NTN3: variants seen among roughly 807,000 people sequenced by gnomAD.
The protein encoded by NTN3 is netrin-3.
Under a neutral mutation model 37.2 loss-of-function variants are expected in NTN3, and 44 were observed. The ratio of observed to expected loss-of-function variants is 1.18; its 90% CI spans 0.93 to 1.52. The LOEUF (loss-of-function observed/expected upper bound fraction) is 1.52. Ranked by LOEUF, NTN3 falls within the 40% of genes most tolerant of loss-of-function variation. The probability of loss-of-function intolerance (pLI) is 0.00; values close to 1 mark genes in which losing one functional copy is unlikely to be tolerated. For synonymous variants in NTN3, 385 were observed against 376.0 expected (o/e 1.02, Z -0.28); for missense variants, 882 against 857.3 (o/e 1.03, Z -0.36).
At position 2,471,580 on chromosome 16, in the gene NTN3, C is replaced by A. The variant is rs955139089; in HGVS notation, c.-122C>A. On this transcript the variant is annotated 5_prime_UTR_variant, in exon 1 of 6. Transcript: ENST00000293973. ...TCCCACCTCTGGGCCGGGCTGGGGC[C>A]GCCCGGGGGCCCTGTTCCTCGGCAT... 21 of 712,518 alleles carry A rather than the reference C, an allele frequency of 2.9e-5. No individual in the cohort carries two copies. Among genetic ancestry groups the A allele is most frequent in the Non-Finnish European group, 8.0e-6 (4 of 499,606 alleles). 44.1% of individuals were successfully genotyped at this position (712,518 alleles called of 1,614,324 possible).
Position 2,471,812 on chromosome 16 carries a change from C to G in NTN3, c.111C>G (p.Pro37=). 1 of 1,392,852 alleles carries G rather than the reference C, an allele frequency of 7.2e-7. No homozygotes were observed. Among genetic ancestry groups the G allele is most frequent in the Non-Finnish European group, 9.2e-7 (1 of 1,082,488 alleles). The allele number at this position is 1,392,852 out of a possible 1,614,324, so 86.3% of individuals were successfully genotyped here. ...CCTGCCACGATGAGGGGGGTGCGCC[C>G]CGCGGCTGCGTGCCAGGACTGGTGA... is the stretch of plus-strand genomic sequence containing the variant. ...ADPCHDEGGA[P]RGCVPGLVNA... The change falls in exon 1 of 6, where the codon CCC becomes CCG. Residue 37 remains proline, a synonymous_variant. Transcript: ENST00000293973.
In NTN3 at chr16:2,471,961, C is replaced by T. The variant is rs375401789; in HGVS notation, c.260C>T (p.Thr87Met). ...SPALLTSPGG[T>M]ASPLCWRSES... ...GCCCTCCTTACTTCCCCAGGGGGCACGGCCAGCCCTCTGTGCTGGCGCTCG... is the reference window on the plus strand; with the variant it reads ...GCCCTCCTTACTTCCCCAGGGGGCATGGCCAGCCCTCTGTGCTGGCGCTCG... Residue 87 changes from threonine to methionine, a missense_variant, in exon 1 of 6, where the codon ACG becomes ATG. By Grantham distance (81) the Thr-to-Met change is moderately conservative (BLOSUM62 -1). Coordinates refer to ENST00000293973, the MANE Select transcript of NTN3 (RefSeq NM_006181.3). 2.3e-5 allele frequency: 36 copies of T among 1,574,394 alleles called. No homozygotes were observed. Among genetic ancestry groups the T allele is most frequent in the East Asian group, 1.6e-4 (7 of 44,322 alleles).
chr16:2,473,633 C>G, intron 5 of NTN3, 123 bp from the exon 6 acceptor site: 1 of 1,242,796 alleles, frequency 8.0e-7, no homozygotes. Flanking sequence ...TCCCTCAGGT[C>G]CTCCACGGGC....
At position 2,473,841 on chromosome 16, in the gene NTN3, C is replaced by A; in HGVS notation, c.1479C>A (p.Ser493Arg). 7.5e-7 allele frequency: 1 copy of A among 1,334,150 alleles called. No homozygotes were observed. The highest frequency in any genetic ancestry group is 9.5e-7 in the Non-Finnish European group (1 of 1,050,222). 82.6% of individuals were successfully genotyped at this position (1,334,150 alleles called of 1,614,324 possible). ...FPVAVLAVFR[S>R]GEERARRGSS... ...TGGCGGTGCTCGCCGTGTTCCGGAG[C>A]GGAGAGGAGCGCGCGCGGCGCGGGA... The change falls in exon 6 of 6, where the codon AGC (serine) becomes AGA (arginine). Residue 493 changes from serine to arginine, a missense_variant. Physicochemically the swap from Ser to Arg is moderately radical, Grantham distance 110. Transcript: ENST00000293973.
Position 2,472,973 on chromosome 16 carries a change from C to G in NTN3, c.1118-12C>G, listed in dbSNP as rs2065531420. On this transcript the variant is annotated splice_polypyrimidine_tract_variant and intron_variant, in intron 2 of 5. Transcript: ENST00000293973. ...AGGCTTCTGACCAGGCCCTTCCCAC[C>G]TCTGTCCTCAGCCTGCGACTGTCAC... The G allele has an allele frequency of 6.3e-7, 1 of 1,594,090 alleles. No homozygotes were observed. The highest frequency in any genetic ancestry group is 1.1e-5 in the South Asian group (1 of 89,542).
Position 2,471,972 on chromosome 16 carries a change from C to T in NTN3, c.271C>T (p.Leu91=). 3.8e-6 allele frequency: 6 copies of T among 1,594,276 alleles called. No homozygotes were observed. Among genetic ancestry groups the T allele is most frequent in the Non-Finnish European group, 5.1e-6 (6 of 1,176,136 alleles). The part of the protein sequence containing the change: ...LTSPGGTASP[L]CWRSESLPRA... Reference sequence around the variant, plus strand: ...TTCCCCAGGGGGCACGGCCAGCCCTCTGTGCTGGCGCTCGGAGTCCCTGCC... The same window carrying T: ...TTCCCCAGGGGGCACGGCCAGCCCTTTGTGCTGGCGCTCGGAGTCCCTGCC... The change falls in exon 1 of 6, where the codon CTG becomes TTG. Residue 91 remains leucine, a synonymous_variant. Coordinates refer to ENST00000293973, the MANE Select transcript of NTN3 (RefSeq NM_006181.3).
Position 2,471,717 on chromosome 16 carries a change from T to TG in NTN3, c.21dup (p.Leu8AlafsTer26). The TG allele has an allele frequency of 7.3e-7, 1 of 1,366,550 alleles. No homozygotes were observed. Among genetic ancestry groups the TG allele is most frequent in the Non-Finnish European group, 9.4e-7 (1 of 1,066,856 alleles). The allele number at this position is 1,366,550 out of a possible 1,614,324, so 84.7% of individuals were successfully genotyped here. A position where few individuals can be genotyped will look rare whatever the true frequency, so the allele number is the denominator to read the frequency against. On this transcript the variant is annotated frameshift_variant, in exon 1 of 6. Coordinates refer to ENST00000293973, the MANE Select transcript of NTN3 (RefSeq NM_006181.3). LOFTEE classifies it high-confidence loss of function. The stretch of plus-strand genomic sequence containing the variant: ...GGCTCCGGCCATGCCTGGCTGGCCC[T>TG]GGGGGCTGCTGCTGACGGCAGGCAC...
rs1187872015 is a variant in NTN3, at chr16:2,471,694, C to T, written c.-8C>T. The T allele has an allele frequency of 7.5e-7, 1 of 1,326,676 alleles. No homozygotes were observed. The highest frequency in any genetic ancestry group is 9.6e-7 in the Non-Finnish European group (1 of 1,043,600). 82.2% of individuals were successfully genotyped at this position (1,326,676 alleles called of 1,614,324 possible). A position where few individuals can be genotyped will look rare whatever the true frequency, so the allele number is the denominator to read the frequency against. On this transcript the variant is annotated 5_prime_UTR_variant, in exon 1 of 6. Coordinates refer to ENST00000293973, the MANE Select transcript of NTN3 (RefSeq NM_006181.3). ...CCGGCCACTGGCTGACCCGCAGCGG[C>T]TCCGGCCATGCCTGGCTGGCCCTGG...
Position 2,471,519 on chromosome 16 carries a change from G to A in NTN3, c.-183G>A. The stretch of plus-strand genomic sequence containing the variant: ...AGCGGGAGGACGCGCCAACATCCCC[G>A]CTGCTGTGCTGGGCCCGGGGCGTGC... On this transcript the variant is annotated 5_prime_UTR_variant, in exon 1 of 6. Transcript: ENST00000293973. 1 of 403,710 alleles carries A rather than the reference G, an allele frequency of 2.5e-6. No individual in the cohort carries two copies. Among genetic ancestry groups the A allele is most frequent in the Non-Finnish European group, 4.3e-6 (1 of 232,182 alleles). 25.0% of individuals were successfully genotyped at this position (403,710 alleles called of 1,614,324 possible).
In NTN3 at chr16:2,471,698, G is replaced by A. The variant is rs891954945; in HGVS notation, c.-4G>A. 1.5e-6 allele frequency: 2 copies of A among 1,335,112 alleles called. No homozygotes were observed. The highest frequency in any genetic ancestry group is 1.9e-6 in the Non-Finnish European group (2 of 1,048,918). The allele number at this position is 1,335,112 out of a possible 1,614,324, so 82.7% of individuals were successfully genotyped here. Reference sequence around the variant, plus strand: ...CCACTGGCTGACCCGCAGCGGCTCCGGCCATGCCTGGCTGGCCCTGGGGGC... The same window carrying A: ...CCACTGGCTGACCCGCAGCGGCTCCAGCCATGCCTGGCTGGCCCTGGGGGC... On this transcript the variant is annotated 5_prime_UTR_variant, in exon 1 of 6. Coordinates refer to ENST00000293973, the MANE Select transcript of NTN3 (RefSeq NM_006181.3).
chr16:2,471,531 G>C lies in NTN3; in HGVS notation c.-171G>C. On this transcript the variant is annotated 5_prime_UTR_variant, in exon 1 of 6. Transcript: ENST00000293973. ...CGCCAACATCCCCGCTGCTGTGCTG[G>C]GCCCGGGGCGTGCCCGCCGCTGCTC... The C allele has an allele frequency of 2.3e-6, 1 of 428,634 alleles. No individual in the cohort carries two copies. Among genetic ancestry groups the C allele is most frequent in the Non-Finnish European group, 4.0e-6 (1 of 249,046 alleles). The allele number at this position is 428,634 out of a possible 1,614,324, so 26.6% of individuals were successfully genotyped here. A position where few individuals can be genotyped will look rare whatever the true frequency, so the allele number is the denominator to read the frequency against.
chr16:2,473,871 C>G lies in NTN3; in HGVS notation c.1509C>G (p.Ser503Arg). Reference protein sequence around the residue: ...SGEERARRGSSALWVPAGDAA... With the variant: ...SGEERARRGSRALWVPAGDAA... ...AGGAGCGCGCGCGGCGCGGGAGTAG[C>G]GCGCTGTGGGTGCCCGCCGGGGATG... Residue 503 changes from serine to arginine, a missense_variant, in exon 6 of 6, where the codon AGC becomes AGG. Physicochemically the swap from Ser to Arg is moderately radical, Grantham distance 110. Transcript: ENST00000293973. 7.9e-7 allele frequency: 1 copy of G among 1,269,888 alleles called. No homozygotes were observed. The highest frequency in any genetic ancestry group is 2.8e-5 in the South Asian group (1 of 36,040). 78.7% of individuals were successfully genotyped at this position (1,269,888 alleles called of 1,614,324 possible).
Position 2,473,091 on chromosome 16 carries a change from G to A in NTN3, c.1224G>A (p.Ala408=), listed in dbSNP as rs147989868. Residue 408 remains alanine, a synonymous_variant, in exon 3 of 6, where the codon GCG becomes GCA. Transcript: ENST00000293973. ...CTGGCCTCACCTGCAACCGCTGCGC[G>A]CCTGGCTTCCAGCAAAGCCGCTCCC... ...GVTGLTCNRC[A]PGFQQSRSPV... 4.4e-5 allele frequency: 71 copies of A among 1,609,874 alleles called. No individual in the cohort carries two copies. In the Middle Eastern group the frequency reaches 8.3e-4, roughly 19 times the overall value.
At position 2,473,255 on chromosome 16, in the gene NTN3, T is replaced by A. The variant is rs1040801692; in HGVS notation, c.1268-13T>A. The A allele has an allele frequency of 6.2e-7, 1 of 1,612,246 alleles. No homozygotes were observed. On this transcript the variant is annotated splice_polypyrimidine_tract_variant and intron_variant, in intron 3 of 5. Coordinates refer to ENST00000293973, the MANE Select transcript of NTN3 (RefSeq NM_006181.3). ...CCCCTCCATCGCAGGCCATTCTCCC[T>A]CCCTCTCTGCAGAGACCCCTATCCC...
At position 2,471,738 on chromosome 16, in the gene NTN3, G is replaced by C; in HGVS notation, c.37G>C (p.Gly13Arg). 1.4e-6 allele frequency: 2 copies of C among 1,383,506 alleles called. No individual in the cohort carries two copies. Among genetic ancestry groups the C allele is most frequent in the Non-Finnish European group, 9.3e-7 (1 of 1,075,886 alleles). 85.7% of individuals were successfully genotyped at this position (1,383,506 alleles called of 1,614,324 possible). ...GCCCTGGGGGCTGCTGCTGACGGCA[G>C]GCACGCTCTTCGCCGCCCTGAGTCC... ...GWPWGLLLTA[G>R]TLFAALSPGP... Residue 13 changes from glycine (G) to arginine (R), a missense_variant, in exon 1 of 6, where the codon GGC becomes CGC. Transcript: ENST00000293973.
Position 2,471,831 on chromosome 16 carries a change from C to G in NTN3, c.130C>G (p.Leu44Val), listed in dbSNP as rs1261886377. The change falls in exon 1 of 6, where the codon CTG (leucine) becomes GTG (valine). Residue 44 changes from leucine to valine, a missense_variant. By Grantham distance (32) the Leu-to-Val change is conservative (BLOSUM62 1). Transcript: ENST00000293973. Reference protein sequence around the residue: ...GGAPRGCVPGLVNAALGREVL... With the variant: ...GGAPRGCVPGVVNAALGREVL... ...TGCGCCCCGCGGCTGCGTGCCAGGACTGGTGAACGCCGCCCTGGGCCGCGA... is the reference window on the plus strand; with the variant it reads ...TGCGCCCCGCGGCTGCGTGCCAGGAGTGGTGAACGCCGCCCTGGGCCGCGA... 2.1e-6 allele frequency: 3 copies of G among 1,437,718 alleles called. No homozygotes were observed. Among genetic ancestry groups the G allele is most frequent in the Non-Finnish European group, 2.7e-6 (3 of 1,105,754 alleles). The allele number at this position is 1,437,718 out of a possible 1,614,324, so 89.1% of individuals were successfully genotyped here.
In NTN3 at chr16:2,471,976, G is replaced by A. The variant is rs769671175; in HGVS notation, c.275G>A (p.Cys92Tyr). The change falls in exon 1 of 6, where the codon TGC becomes TAC. Residue 92 changes from cysteine (C) to tyrosine (Y), a missense_variant. Transcript: ENST00000293973. ...CCAGGGGGCACGGCCAGCCCTCTGTGCTGGCGCTCGGAGTCCCTGCCTCGG... is the reference window on the plus strand; with the variant it reads ...CCAGGGGGCACGGCCAGCCCTCTGTACTGGCGCTCGGAGTCCCTGCCTCGG... Reference protein sequence around the residue: ...TSPGGTASPLCWRSESLPRAP... With the variant: ...TSPGGTASPLYWRSESLPRAP... 2 of 1,596,826 alleles carry A rather than the reference G, an allele frequency of 1.3e-6. No homozygotes were observed. Among genetic ancestry groups the A allele is most frequent in the Non-Finnish European group, 1.7e-6 (2 of 1,177,330 alleles).
Position 2,471,465 on chromosome 16 carries a change from G to C in NTN3, c.-237G>C, listed in dbSNP as rs2065520419. ...TCCGCGGGCGGAGGCACCGGGAGCG[G>C]GGGCGACGCCTGTCATCGCTCTAGG... On this transcript the variant is annotated 5_prime_UTR_variant, in exon 1 of 6. Coordinates refer to ENST00000293973, the MANE Select transcript of NTN3 (RefSeq NM_006181.3). 5.5e-6 allele frequency: 2 copies of C among 364,692 alleles called. No homozygotes were observed. The highest frequency in any genetic ancestry group is 1.5e-4 in the South Asian group (1 of 6,800). The allele number at this position is 364,692 out of a possible 1,614,324, so 22.6% of individuals were successfully genotyped here.
rs187669244 is a variant in NTN3, at chr16:2,471,895, G to A, written c.194G>A (p.Arg65Gln). Residue 65 changes from arginine to glutamine, a missense_variant, in exon 1 of 6, where the codon CGG becomes CAG. Transcript: ENST00000293973. ...AGCACGTGCGGGCGGCCGGCCACTC[G>A]GGCCTGCGACGCCTCCGACCCGCGA... ...ASSTCGRPAT[R>Q]ACDASDPRRA... 1,219 of 1,493,848 alleles carry A rather than the reference G, an allele frequency of 8.2e-4. 9 individuals carry two copies. In the African/African-American group the frequency reaches 0.014, roughly 17 times the overall value. The allele number at this position is 1,493,848 out of a possible 1,614,324, so 92.5% of individuals were successfully genotyped here. A position where few individuals can be genotyped will look rare whatever the true frequency, so the allele number is the denominator to read the frequency against.
Sources: gnomAD v4.1 joint callset for allele counts on GRCh38, gnomAD v4.1.1 for gene constraint, MANE v1.5 for transcripts, NCBI Gene and HGNC (gene_info 2026-07-23, HGNC 2026-07-21) for gene names.